NKAIN2: variants seen among roughly 807,000 people sequenced by gnomAD.
The protein encoded by NKAIN2 is sodium/potassium transporting ATPase interacting 2.
NKAIN2 carries 14 observed loss-of-function variants against 32.6 expected under a neutral mutation model. The observed-to-expected ratio is 0.43, with a 90% CI of 0.28 to 0.67. NKAIN2 has a LOEUF of 0.67. Ranked by LOEUF, NKAIN2 falls within the 30% of genes least tolerant of loss-of-function variation. The probability of loss-of-function intolerance (pLI) is 0.17; values close to 1 mark genes in which losing one functional copy is unlikely to be tolerated. For synonymous variants in NKAIN2, 80 were observed against 87.2 expected, an observed-to-expected ratio of 0.92 and a Z score of 0.46; for missense variants, 198 against 258.3, an observed-to-expected ratio of 0.77 and a Z score of 1.60.
At chr6:124,419,601 ACT>A (rs1423911385) in intron 3 of NKAIN2, among the ~76,000 whole-genome samples, 1 of 152,080 alleles carries the variant, frequency 6.6e-6, no homozygotes, top group Non-Finnish European at 1.5e-5. Context: ...ATCCAAATTA[ACT>A]CTTACTGCTA....
At chr6:124,005,388 C>T (rs1780037360) in intron 1 of NKAIN2, among the ~76,000 whole-genome samples, 1 of 152,106 alleles carries the variant, frequency 6.6e-6, no homozygotes, top group Non-Finnish European at 1.5e-5. Flanking sequence ...AAACATACTA[C>T]TGTAAATTAA....
chr6:124,759,110 G>C (rs1583809063), intron 4 of NKAIN2, among the ~76,000 whole-genome samples: 3 of 152,070 alleles, frequency 2.0e-5, no homozygotes, highest in Admixed American at 1.3e-4. Flanking sequence ...CCTAGCATTA[G>C]CCCGAGAGAG....
rs571274423 is a variant in NKAIN2 at position 124,100,077 on chromosome 6, T to C, written c.55-182928T>C. Among the ~76,000 whole-genome samples, 41 of 152,322 alleles carry C rather than the reference T, an allele frequency of 2.7e-4. No individual in the cohort carries two copies. The East Asian group carries it at 7.3e-3, about 27-fold the overall frequency. ...TGTGCAAGTTAAGGAAATGTTCTCT[T>C]ACATGTTAAAATTGAACACAGTTTA... On this transcript the variant is annotated intron_variant, in intron 1 of 6. Coordinates refer to ENST00000368417, the MANE Select transcript of NKAIN2 (RefSeq NM_001040214.3).
chr6:124,309,263 G>A (rs931904582), intron 2 of NKAIN2, among the ~76,000 whole-genome samples: 1 of 152,016 alleles, frequency 6.6e-6, no homozygotes. Flanking sequence ...TTTAAAATTG[G>A]TGTAAAAGAC....
intron 3 of NKAIN2, among the ~76,000 whole-genome samples, chr6:124,609,934 T>C (rs1782631630): frequency 6.6e-6 from 1 of 152,122 alleles, no homozygotes; most frequent in Non-Finnish European, 1.5e-5. Flanking sequence ...GTAATCTACC[T>C]TAAAAACGAG....
chr6:123,938,410 A>T (rs13211620), intron 1 of NKAIN2, among the ~76,000 whole-genome samples: 790 of 7,594 alleles, frequency 0.1, 25 homozygotes, highest in African/African-American at 0.19. Flanking sequence ...ATATATATAT[A>T]TATATATATA....
intron 1 of NKAIN2, among the ~76,000 whole-genome samples, chr6:123,838,567 A>T (rs1225402134): frequency 6.6e-6 from 1 of 152,180 alleles, no homozygotes; most frequent in Non-Finnish European, 1.5e-5. Flanking sequence ...GATACTGTAA[A>T]ATGCCGTTTG....
intron 3 of NKAIN2, among the ~76,000 whole-genome samples, chr6:124,445,960 A>G (rs1775874560): frequency 6.6e-6 from 1 of 152,030 alleles, no homozygotes; most frequent in African/African-American, 2.4e-5. Flanking sequence ...ATCAAAATAA[A>G]CAAAGTCATT....
At chr6:124,520,662 G>T (rs1305268643) in intron 3 of NKAIN2, among the ~76,000 whole-genome samples, 2 of 152,124 alleles carry the variant, frequency 1.3e-5, no homozygotes, top group East Asian at 3.9e-4. Context: ...TGTATTTTAG[G>T]CTCTGGCACT....
At chr6:124,565,951 C>T (rs750270689) in intron 3 of NKAIN2, among the ~76,000 whole-genome samples, 13 of 152,266 alleles carry the variant, frequency 8.5e-5, no homozygotes, top group Admixed American at 2.0e-4. Context: ...CAATACTAAA[C>T]GTAGATTTGC....
intron 1 of NKAIN2, among the ~76,000 whole-genome samples, chr6:124,110,139 CT>C (rs201686423): frequency 0.025 from 3,382 of 135,298 alleles, 107 homozygotes; most frequent in African/African-American, 0.076. Context: ...CCCTCATTTT[CT>C]TTTTTTTTTT....
At chr6:124,023,220 A>G (rs972732104) in intron 1 of NKAIN2, among the ~76,000 whole-genome samples, 6 of 151,852 alleles carry the variant, frequency 4.0e-5, no homozygotes, top group Admixed American at 3.3e-4. Context: ...ACACACACAC[A>G]CGCACACACA....
intron 3 of NKAIN2, among the ~76,000 whole-genome samples, chr6:124,517,399 C>A (rs1384544115): frequency 1.3e-5 from 2 of 152,076 alleles, no homozygotes. Context: ...AAAATCTGAT[C>A]TTTTTTCCCT....
intron 3 of NKAIN2, among the ~76,000 whole-genome samples, chr6:124,492,630 T>C (rs1265384611): frequency 6.6e-6 from 1 of 151,972 alleles, no homozygotes; most frequent in Non-Finnish European, 1.5e-5. Context: ...CTTGGTATTA[T>C]GCTTTGGTAT....
chr6:124,659,683 G>T lies in NKAIN2; in HGVS notation c.474+1297G>T, dbSNP rs375785706. Among the ~76,000 whole-genome samples the T allele has an allele frequency of 2.6e-4, 40 of 152,136 alleles. No homozygotes were observed. In the South Asian group the frequency reaches 7.9e-3, roughly 30 times the overall value. ...GAGTAGCCAGTATCTCCATCATCAT[G>T]GGTTACTGTGCCAGAAAGTAATAAT... On this transcript the variant is annotated intron_variant, in intron 4 of 6. Coordinates refer to ENST00000368417, the MANE Select transcript of NKAIN2 (RefSeq NM_001040214.3).
chr6:123,886,507 A>T (rs1191841281), intron 1 of NKAIN2, among the ~76,000 whole-genome samples: 1 of 152,144 alleles, frequency 6.6e-6, no homozygotes, highest in African/African-American at 2.4e-5. Flanking sequence ...TGCAGAATGC[A>T]TCAAGTCTGT....
intron 3 of NKAIN2, among the ~76,000 whole-genome samples, chr6:124,654,310 T>C (rs2619075): frequency 0.53 from 80,516 of 151,856 alleles, 22,066 homozygotes; most frequent in Middle Eastern, 0.64. Flanking sequence ...AGTTAATTGA[T>C]TTTCTAAGTA....
chr6:124,519,724 T>C (rs2114793449), intron 3 of NKAIN2, among the ~76,000 whole-genome samples: 1 of 152,360 alleles, frequency 6.6e-6, no homozygotes, highest in East Asian at 1.9e-4. Flanking sequence ...ACAAATGGAA[T>C]GTTTAAGAAT....
chr6:124,264,812 CCTA>C (rs1794415129), intron 1 of NKAIN2, among the ~76,000 whole-genome samples: 1 of 152,062 alleles, frequency 6.6e-6, no homozygotes, highest in African/African-American at 2.4e-5. Context: ...TTCAGTGTTA[CCTA>C]ATATTTAATA....
Sources: allele counts gnomAD v4.1 joint callset (sites outside exome capture counted in the v4.1 genomes callset), GRCh38; gene constraint gnomAD v4.1.1; transcripts MANE v1.5; gene names NCBI Gene and HGNC (gene_info 2026-07-23, HGNC 2026-07-21).